The following RBM19 variants were observed in gnomAD, a reference collection of about 807,000 sequenced individuals.
RBM19 encodes the protein probable RNA-binding protein 19.
In RBM19, 94 loss-of-function variants were observed where a neutral mutation model predicts 116.8. The ratio of observed to expected loss-of-function variants is 0.80; its 90% CI spans 0.68 to 0.95. The LOEUF is 0.95. Among genes scored for constraint, RBM19 ranks in the 40% least tolerant of loss-of-function variants. The probability of loss-of-function intolerance (pLI) is 0.00; values close to 1 mark genes in which losing one functional copy is unlikely to be tolerated. For synonymous variants in RBM19, 475 were observed against 494.1 expected, an observed-to-expected ratio of 0.96 and a Z score of 0.51; for missense variants, 1,161 against 1,220.7, an observed-to-expected ratio of 0.95 and a Z score of 0.73.
At chr12:113,937,676 G>T (rs993173210) in intron 15 of RBM19, among the ~76,000 whole-genome samples, 3 of 151,740 alleles carry the variant, frequency 2.0e-5, no homozygotes, top group Admixed American at 6.6e-5. Flanking sequence ...GCTGAGGTGG[G>T]AGGATCCCTT....
chr12:113,945,350 C>A (rs1161933835), intron 13 of RBM19, among the ~76,000 whole-genome samples: 1 of 152,174 alleles, frequency 6.6e-6, no homozygotes, highest in Non-Finnish European at 1.5e-5. Flanking sequence ...CTGGGGCTGC[C>A]TGGGCTGCGG....
intron 15 of RBM19, among the ~76,000 whole-genome samples, chr12:113,939,677 G>A (rs1269773378): frequency 6.6e-6 from 1 of 151,988 alleles, no homozygotes; most frequent in African/African-American, 2.4e-5. Flanking sequence ...GTGAACCCGG[G>A]AGGCGGAGCT....
At chr12:113,870,690 T>G (rs1470302132) in intron 21 of RBM19, among the ~76,000 whole-genome samples, 1 of 151,706 alleles carries the variant, frequency 6.6e-6, no homozygotes, top group East Asian at 1.9e-4. Flanking sequence ...GGGGCACAGG[T>G]GGGTAGGTAG....
chr12:113,893,358 G>A (rs1881084346), intron 21 of RBM19, among the ~76,000 whole-genome samples: 1 of 152,040 alleles, frequency 6.6e-6, no homozygotes, highest in African/African-American at 2.4e-5. Context: ...TTGAACTTCT[G>A]GGCTCAAGCA....
chr12:113,872,076 T>C (rs1879250231), intron 21 of RBM19, among the ~76,000 whole-genome samples: 2 of 143,034 alleles, frequency 1.4e-5, no homozygotes, highest in South Asian at 2.4e-4. Context: ...ATCTAGGAAG[T>C]GAGGAGCGCC....
chr12:113,832,206 T>G (rs1875486643), intron 23 of RBM19, among the ~76,000 whole-genome samples: 1 of 151,892 alleles, frequency 6.6e-6, no homozygotes, highest in Non-Finnish European at 1.5e-5. Flanking sequence ...TTTTTTTTTT[T>G]TTAGACTAAG....
intron 18 of RBM19, among the ~76,000 whole-genome samples, chr12:113,922,751 T>C (rs1354627369): frequency 6.6e-6 from 1 of 152,286 alleles, no homozygotes; most frequent in East Asian, 1.9e-4. Context: ...GAACAGTGTC[T>C]TCCCAGACTC....
Position 113,927,117 on chromosome 12 carries a change from G to A in RBM19, c.2181C>T (p.Leu727=), listed in dbSNP as rs768500759. 1 of 1,613,442 alleles carries A rather than the reference G, an allele frequency of 6.2e-7. No individual in the cohort carries two copies. The highest frequency in any genetic ancestry group is 1.1e-5 in the South Asian group (1 of 91,044). The change falls in exon 17 of 24, where the codon CTC becomes CTT. Residue 727 remains leucine, a synonymous_variant. Coordinates refer to ENST00000261741, the MANE Select transcript of RBM19 (RefSeq NM_016196.4). Reference sequence around the variant, plus strand: ...TCTTAATAAACAGAGTACATCCTGGGAGGCTCTCTTCTTCTTCTTCCTCTT... The same window carrying A: ...TCTTAATAAACAGAGTACATCCTGGAAGGCTCTCTTCTTCTTCTTCCTCTT... ...EEEEEEEEES[L]PGCTLFIKNL...
intron 16 of RBM19, among the ~76,000 whole-genome samples, chr12:113,934,213 A>G (rs1253945147): frequency 6.6e-6 from 1 of 152,226 alleles, no homozygotes; most frequent in Admixed American, 6.5e-5. Flanking sequence ...TCAGCCTCCC[A>G]AGATGCACTG....
intron 23 of RBM19, among the ~76,000 whole-genome samples, chr12:113,833,166 T>C (rs1875582884): frequency 6.6e-6 from 1 of 152,200 alleles, no homozygotes; most frequent in African/African-American, 2.4e-5. Flanking sequence ...CCCAGCTTCC[T>C]GGGCCTCTGC....
intron 1 of RBM19, 146 bp downstream of exon 1, chr12:113,966,046 A>T: frequency 2.3e-6 from 2 of 866,696 alleles, no homozygotes; most frequent in Middle Eastern, 2.2e-4. Flanking sequence ...GGATAAGCCC[A>T]GGATCCCGCC....
intron 16 of RBM19, among the ~76,000 whole-genome samples, chr12:113,928,392 A>G (rs950438560): frequency 6.7e-6 from 1 of 148,900 alleles, no homozygotes; most frequent in South Asian, 2.2e-4. Context: ...TGATCTGCAC[A>G]TTTATGAGAA....
At chr12:113,941,572 C>CCA (rs1870573567) in intron 14 of RBM19, among the ~76,000 whole-genome samples, 3 of 107,536 alleles carry the variant, frequency 2.8e-5, no homozygotes, top group African/African-American at 1.6e-4. Context: ...CATGCATCAT[C>CCA]TGTATTCATC....
At chr12:113,819,813 C>T (rs1874297809), downstream of RBM19, among the ~76,000 whole-genome samples, 2 of 152,174 alleles carry the variant, frequency 1.3e-5, no homozygotes, top group Admixed American at 6.5e-5. Flanking sequence ...TGAAGCCCCT[C>T]CTCTGGGCCA....
chr12:113,947,596 A>C (rs1871142321), intron 10 of RBM19, 132 bp from the exon 11 acceptor site: 18 of 946,956 alleles, frequency 1.9e-5, no homozygotes, highest in East Asian at 2.8e-5. Flanking sequence ...ACGTGTGTCT[A>C]TCCTAACAGC....
chr12:113,868,592 G>C (rs913468846), intron 21 of RBM19, among the ~76,000 whole-genome samples: 1 of 152,106 alleles, frequency 6.6e-6, no homozygotes, highest in Admixed American at 6.5e-5. Flanking sequence ...GATTTCTCTG[G>C]GAAAGGAAAA....
intron 21 of RBM19, among the ~76,000 whole-genome samples, chr12:113,881,852 G>A (rs561678982): frequency 2.6e-5 from 4 of 152,228 alleles, no homozygotes; most frequent in African/African-American, 9.6e-5. Flanking sequence ...ACTGAGGCCT[G>A]GTAGTGTCTC....
At chr12:113,881,756 AGAG>A (rs1182628115) in intron 21 of RBM19, among the ~76,000 whole-genome samples, 1 of 152,366 alleles carries the variant, frequency 6.6e-6, no homozygotes, top group Non-Finnish European at 1.5e-5. Flanking sequence ...CCCTGACTTA[AGAG>A]GAGGTCTCTT....
chr12:113,878,843 A>AGG (rs145209097), intron 21 of RBM19, among the ~76,000 whole-genome samples: 3 of 100,558 alleles, frequency 3.0e-5, no homozygotes, highest in African/African-American at 4.3e-5. Context: ...AAAAAAAAAA[A>AGG]GGGGGGGGTG....
Sources: allele counts gnomAD v4.1 joint callset (sites outside exome capture counted in the v4.1 genomes callset), GRCh38; gene constraint gnomAD v4.1.1; transcripts MANE v1.5; gene names NCBI Gene and HGNC (gene_info 2026-07-23, HGNC 2026-07-21).